DENND4C: variants seen among roughly 807,000 people sequenced by gnomAD.
The protein encoded by DENND4C is DENN domain-containing protein 4C.
A neutral mutation model predicts 203.0 loss-of-function variants in DENND4C; 108 were observed. The ratio of observed to expected loss-of-function variants is 0.53; its 90% confidence interval spans 0.46 to 0.62. The LOEUF (loss-of-function observed/expected upper bound fraction) is 0.62, where lower values mean the gene tolerates loss of function less well. Ranked by LOEUF, DENND4C falls within the 20% of genes least tolerant of loss-of-function variation. The pLI is 0.00. For missense variants in DENND4C, 2,481 were observed against 2,301.2 expected, an observed-to-expected ratio of 1.08 and a Z score of -1.60; for synonymous variants, 871 against 792.4, an observed-to-expected ratio of 1.10 and a Z score of -1.67.
chr9:19,303,054 T>C (rs1232346435), intron 9 of DENND4C, among the ~76,000 whole-genome samples: 1 of 152,130 alleles, frequency 6.6e-6, no homozygotes, highest in African/African-American at 2.4e-5. Context: ...GAATATCCCT[T>C]ATCTAAAATG....
At chr9:19,240,230 C>G (rs960999140) in intron 1 of DENND4C, among the ~76,000 whole-genome samples, 114 of 152,262 alleles carry the variant, frequency 7.5e-4, no homozygotes, top group African/African-American at 2.7e-3. Flanking sequence ...GCATGCTACT[C>G]TTGTAGGCTA....
At chr9:19,299,180 G>A in intron 7 of DENND4C, 49 bp from the exon 8 acceptor site, 2 of 1,362,570 alleles carry the variant, frequency 1.5e-6, no homozygotes, top group South Asian at 1.5e-5. Context: ...CTTATCTCTT[G>A]GTTTGGTTAA....
At chr9:19,361,349 T>C (rs756932568) in intron 29 of DENND4C, among the ~76,000 whole-genome samples, 7 of 152,178 alleles carry the variant, frequency 4.6e-5, no homozygotes, top group Non-Finnish European at 1.0e-4. Flanking sequence ...CTGTCTGACT[T>C]AAAAGCCCCA....
intron 9 of DENND4C, among the ~76,000 whole-genome samples, chr9:19,300,849 C>T (rs1838413629): frequency 6.6e-6 from 1 of 152,054 alleles, no homozygotes; most frequent in Non-Finnish European, 1.5e-5. Flanking sequence ...AAAGTTGTTC[C>T]CTGCTTAAAA....
At chr9:19,294,521 G>A (rs575792145) in intron 5 of DENND4C, among the ~76,000 whole-genome samples, 1 of 152,292 alleles carries the variant, frequency 6.6e-6, no homozygotes, top group Non-Finnish European at 1.5e-5. Context: ...TGATCGAGCA[G>A]TTTCATGCCT....
rs1563776251 is a variant in DENND4C, at chr9:19,298,136, A to G, written c.1107+14A>G. On this transcript the variant is annotated intron_variant, in intron 7 of 32. Transcript: ENST00000434457. Reference sequence around the variant, plus strand: ...ATCCTTGTCCAGGTAATCAAAAGAGAGTATATTTGGGGAGAACTTTGCATA... The same window carrying G: ...ATCCTTGTCCAGGTAATCAAAAGAGGGTATATTTGGGGAGAACTTTGCATA... 32 of 1,604,138 alleles carry G rather than the reference A, an allele frequency of 2.0e-5. No homozygotes were observed. Among genetic ancestry groups the G allele is most frequent in the Non-Finnish European group, 2.6e-5 (31 of 1,174,112 alleles).
rs1039957274 is a variant in DENND4C at position 19,373,817 on chromosome 9, A to G, written c.*1644A>G. ...CTTCCATATGGTACAGTAACAACCT[A>G]ACTCCCTTCTACCTGATGTAACCAT... is the stretch of plus-strand genomic sequence containing the variant. On this transcript the variant is annotated 3_prime_UTR_variant, in exon 33 of 33. Transcript: ENST00000434457. Among the ~76,000 whole-genome samples the G allele has an allele frequency of 1.8e-4, 27 of 152,180 alleles. No homozygotes were observed. Among genetic ancestry groups the G allele is most frequent in the African/African-American group, 5.8e-4 (24 of 41,436 alleles).
At chr9:19,306,308 A>G (rs1013047551) in intron 10 of DENND4C, among the ~76,000 whole-genome samples, 1 of 152,232 alleles carries the variant, frequency 6.6e-6, no homozygotes, top group African/African-American at 2.4e-5. Flanking sequence ...TCGTTGGGAA[A>G]ATATTTTTAT....
At chr9:19,257,018 C>A (rs1246413157) in intron 1 of DENND4C, among the ~76,000 whole-genome samples, 1 of 150,192 alleles carries the variant, frequency 6.7e-6, no homozygotes, top group African/African-American at 2.5e-5. Context: ...TGCAGTGAGC[C>A]GAGATCACGC....
intron 26 of DENND4C, among the ~76,000 whole-genome samples, chr9:19,352,936 C>G (rs1419956407): frequency 6.6e-6 from 1 of 152,110 alleles, no homozygotes; most frequent in Non-Finnish European, 1.5e-5. Context: ...GAGTTCAAGA[C>G]CAGCCTGGGC....
At chr9:19,328,656 T>TATCC (rs1213927951) in intron 16 of DENND4C, among the ~76,000 whole-genome samples, 5 of 103,730 alleles carry the variant, frequency 4.8e-5, no homozygotes, top group African/African-American at 2.5e-4. Context: ...TCTGTCTGTC[T>TATCC]GTCTATCTAT....
At chr9:19,312,524 A>T (rs1350620401) in intron 10 of DENND4C, among the ~76,000 whole-genome samples, 3 of 152,218 alleles carry the variant, frequency 2.0e-5, no homozygotes, top group Non-Finnish European at 4.4e-5. Context: ...TGGAATAAAG[A>T]CACATTAAAA....
intron 22 of DENND4C, 38 bp downstream of exon 22, chr9:19,342,817 A>G: frequency 2.0e-6 from 3 of 1,496,690 alleles, no homozygotes; most frequent in South Asian, 1.4e-5. Flanking sequence ...TATTTAAAAT[A>G]TACTTTTATA....
chr9:19,315,356 G>T (rs1285041671), intron 10 of DENND4C, among the ~76,000 whole-genome samples: 1 of 151,804 alleles, frequency 6.6e-6, no homozygotes, highest in Admixed American at 6.6e-5. Flanking sequence ...TTTTCAACCC[G>T]TGAAGATGTC....
chr9:19,256,437 C>G (rs1827985788), intron 1 of DENND4C, among the ~76,000 whole-genome samples: 1 of 151,172 alleles, frequency 6.6e-6, no homozygotes, highest in African/African-American at 2.4e-5. Context: ...CTGTCGCAGC[C>G]TCCCGAGTAG....
At chr9:19,369,011 G>T (rs1828248386) in intron 30 of DENND4C, among the ~76,000 whole-genome samples, 2 of 150,832 alleles carry the variant, frequency 1.3e-5, no homozygotes, top group Non-Finnish European at 3.0e-5. Flanking sequence ...TTAGCCAACT[G>T]TGATGGTGCA....
chr9:19,303,477 G>C (rs1392739101), intron 9 of DENND4C, among the ~76,000 whole-genome samples: 3 of 152,170 alleles, frequency 2.0e-5, no homozygotes, highest in Admixed American at 6.5e-5. Flanking sequence ...GGTTGTGACA[G>C]AGACAATATG....
At position 19,374,232 on chromosome 9, in the gene DENND4C, C is replaced by T. The variant is rs989866044; in HGVS notation, c.*2059C>T. Among the ~76,000 whole-genome samples the T allele has an allele frequency of 2.6e-5, 4 of 152,110 alleles. No individual in the cohort carries two copies. Among genetic ancestry groups the T allele is most frequent in the African/African-American group, 4.8e-5 (2 of 41,422 alleles). ...TAACTTGAACTCAAGTTTTCACTTA[C>T]TGACGCGCTTCCCATTAAAAAAAAT... On this transcript the variant is annotated 3_prime_UTR_variant, in exon 33 of 33. Transcript: ENST00000434457.
chr9:19,243,894 C>A (rs1361184831), intron 1 of DENND4C, among the ~76,000 whole-genome samples: 1 of 152,196 alleles, frequency 6.6e-6, no homozygotes, highest in African/African-American at 2.4e-5. Flanking sequence ...TCACTGCAGC[C>A]TCGACCTTCC....
Sources: gnomAD v4.1 joint callset for allele counts (sites outside exome capture counted in the v4.1 genomes callset) on GRCh38, gnomAD v4.1.1 for gene constraint, MANE v1.5 for transcripts, NCBI Gene and HGNC (gene_info 2026-07-23, HGNC 2026-07-21) for gene names.